The following HECW1 variants were observed in gnomAD, a reference collection of about 807,000 sequenced individuals.
HECW1 encodes HECT, C2 and WW domain containing E3 ubiquitin protein ligase 1, also known as E3 ubiquitin-protein ligase HECW1.
Under a neutral mutation model 182.3 loss-of-function variants are expected in HECW1, and 61 were observed. The ratio of observed to expected loss-of-function variants is 0.33; its 90% CI spans 0.27 to 0.41. HECW1 has a LOEUF of 0.41. Ranked by LOEUF, HECW1 falls within the 10% of genes least tolerant of loss-of-function variation. The pLI is 1.00. For missense variants in HECW1, 1,739 were observed against 2,108.9 expected (o/e 0.82, Z 3.44); for synonymous variants, 859 against 832.6 (o/e 1.03, Z -0.55).
chr7:43,286,079 G>T (rs1381942045), intron 3 of HECW1, among the ~76,000 whole-genome samples: 1 of 152,150 alleles, frequency 6.6e-6, no homozygotes, highest in Non-Finnish European at 1.5e-5. Context: ...GTCCAAGATG[G>T]AAAGGACAAG....
At chr7:43,378,164 T>G (rs1051413004) in intron 6 of HECW1, among the ~76,000 whole-genome samples, 1 of 152,242 alleles carries the variant, frequency 6.6e-6, no homozygotes, top group Non-Finnish European at 1.5e-5. Flanking sequence ...TTGTCAACAT[T>G]ATATTTTTGT....
chr7:43,494,419 A>C (rs1438662701), intron 19 of HECW1, among the ~76,000 whole-genome samples: 5 of 152,146 alleles, frequency 3.3e-5, no homozygotes, highest in African/African-American at 1.2e-4. Context: ...AACCAGAGTT[A>C]CCTACGTAAA....
At chr7:43,284,981 A>T (rs1380288873) in intron 3 of HECW1, among the ~76,000 whole-genome samples, 1 of 144,574 alleles carries the variant, frequency 6.9e-6, no homozygotes, top group Non-Finnish European at 1.5e-5. Flanking sequence ...ATTCACATTT[A>T]TGTGCTTTCT....
At chr7:43,304,411 C>T (rs1364916409) in intron 3 of HECW1, among the ~76,000 whole-genome samples, 1 of 152,192 alleles carries the variant, frequency 6.6e-6, no homozygotes, top group African/African-American at 2.4e-5. Context: ...TGTCCAGGTG[C>T]ACCCCAGCCC....
Position 43,493,146 on chromosome 7 carries a change from C to G in HECW1, c.3403C>G (p.Arg1135Gly). The change falls in exon 19 of 30, where the codon CGT becomes GGT. Residue 1135 changes from arginine (R) to glycine (G), a missense_variant. This residue lies in a region of HECW1 where 971 missense variants were observed against 1,029.1 expected (regional missense o/e 0.94). Coordinates refer to ENST00000395891, the MANE Select transcript of HECW1 (RefSeq NM_015052.5). Reference sequence around the variant, plus strand: ...AAACATTTTTGAAATGCTGCAAGAGCGTCAGCCAAGCTTAGCAAGAAACCA... The same window carrying G: ...AAACATTTTTGAAATGCTGCAAGAGGGTCAGCCAAGCTTAGCAAGAAACCA... ...QPNIFEMLQE[R>G]QPSLARNHTL... The G allele has an allele frequency of 6.2e-7, 1 of 1,613,570 alleles. No individual in the cohort carries two copies. Among genetic ancestry groups the G allele is most frequent in the Non-Finnish European group, 8.5e-7 (1 of 1,179,698 alleles).
intron 17 of HECW1, chr7:43,484,519 GT>G (rs2152911843): frequency 6.6e-6 from 1 of 152,260 alleles, no homozygotes; most frequent in South Asian, 2.1e-4. Context: ...GGTATTTTCT[GT>G]TCACCTACAT....
At chr7:43,379,099 C>A (rs1327929160) in intron 6 of HECW1, among the ~76,000 whole-genome samples, 1 of 152,110 alleles carries the variant, frequency 6.6e-6, no homozygotes, top group Admixed American at 6.5e-5. Context: ...CTGGCAAAAC[C>A]CCACCCTCGT....
rs140132317 is a variant in HECW1, at chr7:43,130,145, A to G, written c.-32+15754A>G. 6.6e-3 allele frequency among the ~76,000 whole-genome samples: 1,002 copies of G among 152,284 alleles called. 5 individuals carry two copies. Among genetic ancestry groups the G allele is most frequent in the African/African-American group, 0.023 (943 of 41,548 alleles). ...TGATTTTAAGCACTCAAAAACACCTATGTTCATTTAGCAATATATTAGATG... is the reference window on the plus strand; with the variant it reads ...TGATTTTAAGCACTCAAAAACACCTGTGTTCATTTAGCAATATATTAGATG... On this transcript the variant is annotated intron_variant, in intron 2 of 29. Coordinates refer to ENST00000395891, the MANE Select transcript of HECW1 (RefSeq NM_015052.5).
chr7:43,113,799 C>T, intron 1 of HECW1: 1 of 230,934 alleles, frequency 4.3e-6, no homozygotes, highest in Admixed American at 5.6e-5. Context: ...TCCCCGGCTC[C>T]AGGGCATTCT....
chr7:43,434,040 T>C (rs1231081725), intron 8 of HECW1, among the ~76,000 whole-genome samples: 1 of 151,320 alleles, frequency 6.6e-6, no homozygotes, highest in Non-Finnish European at 1.5e-5. Flanking sequence ...CATCCTTTTT[T>C]TTAAAAAAAA....
chr7:43,198,163 C>T (rs1370387884), intron 2 of HECW1, among the ~76,000 whole-genome samples: 9 of 149,144 alleles, frequency 6.0e-5, no homozygotes, highest in East Asian at 2.0e-4. Context: ...CTCATACTCA[C>T]GCACACCCCA....
At chr7:43,415,019 C>T (rs2075941490) in intron 8 of HECW1, among the ~76,000 whole-genome samples, 2 of 151,784 alleles carry the variant, frequency 1.3e-5, no homozygotes, top group Admixed American at 6.6e-5. Context: ...GAGCATTTAG[C>T]CCATTTACAT....
At chr7:43,443,944 G>A (rs1192113916) in intron 10 of HECW1, among the ~76,000 whole-genome samples, 1 of 152,202 alleles carries the variant, frequency 6.6e-6, no homozygotes, top group African/African-American at 2.4e-5. Context: ...CTGGGTTAGT[G>A]CTAGGCTTTG....
At position 43,563,565 on chromosome 7, in the gene HECW1, T is replaced by C; in HGVS notation, c.*1639T>C. Reference sequence around the variant, plus strand: ...GTGTCTGGACAGTGTGTTATTTGTGTTCCTACACTCTAAAGCATTCCGGCC... The same window carrying C: ...GTGTCTGGACAGTGTGTTATTTGTGCTCCTACACTCTAAAGCATTCCGGCC... On this transcript the variant is annotated 3_prime_UTR_variant, in exon 30 of 30. Transcript: ENST00000395891. 5.2e-6 allele frequency: 1 copy of C among 191,456 alleles called. No homozygotes were observed. The highest frequency in any genetic ancestry group is 1.1e-5 in the Non-Finnish European group (1 of 91,520). The allele number at this position is 191,456 out of a possible 1,614,324, so 11.9% of individuals were successfully genotyped here.
intron 11 of HECW1, among the ~76,000 whole-genome samples, chr7:43,450,403 G>C (rs1488145394): frequency 6.6e-6 from 1 of 152,122 alleles, no homozygotes; most frequent in Non-Finnish European, 1.5e-5. Flanking sequence ...CAAGTGAGGA[G>C]GTGTCATTTT....
chr7:43,246,451 C>T (rs1009068303), intron 3 of HECW1, among the ~76,000 whole-genome samples: 1 of 152,188 alleles, frequency 6.6e-6, no homozygotes, highest in African/African-American at 2.4e-5. Flanking sequence ...CGGTTCTCAA[C>T]CAGGGGTACA....
intron 3 of HECW1, among the ~76,000 whole-genome samples, chr7:43,251,552 G>C (rs1265278460): frequency 6.6e-6 from 1 of 152,182 alleles, no homozygotes; most frequent in African/African-American, 2.4e-5. Context: ...CTGACCTCAG[G>C]TGATCCGCCC....
At chr7:43,403,258 T>C (rs1054517174) in intron 7 of HECW1, among the ~76,000 whole-genome samples, 1 of 152,214 alleles carries the variant, frequency 6.6e-6, no homozygotes, top group African/African-American at 2.4e-5. Context: ...AAGAAGTGGC[T>C]TAGAATTTCA....
intron 5 of HECW1, among the ~76,000 whole-genome samples, chr7:43,349,104 G>A (rs766768548): frequency 1.3e-5 from 2 of 151,970 alleles, no homozygotes; most frequent in African/African-American, 2.4e-5. Context: ...GCGCACTCTC[G>A]GCTCACTGCA....
Sources: gnomAD v4.1 joint callset for allele counts (sites outside exome capture counted in the v4.1 genomes callset) on GRCh38, gnomAD v4.1.1 for gene constraint, gnomAD v4.1.1 regional missense constraint, MANE v1.5 for transcripts, NCBI Gene and HGNC (gene_info 2026-07-23, HGNC 2026-07-21) for gene names.